The following SYCE1 variants were observed in gnomAD, a reference collection of about 807,000 sequenced individuals.
The protein encoded by SYCE1 is cancer/testis antigen 76.
Under a neutral mutation model 55.1 loss-of-function variants are expected in SYCE1, and 37 were observed. The ratio of observed to expected loss-of-function variants is 0.67; its 90% CI spans 0.52 to 0.88. The LOEUF (loss-of-function observed/expected upper bound fraction) is 0.88. SYCE1 is among the 40% of genes least tolerant of loss of function. SYCE1 has a pLI of 0.00. For missense variants in SYCE1, 399 were observed against 416.4 expected, an observed-to-expected ratio of 0.96 and a Z score of 0.36; for synonymous variants, 163 against 159.4, an observed-to-expected ratio of 1.02 and a Z score of -0.17.
chr10:133,556,818 C>T lies in SYCE1; in HGVS notation c.469G>A (p.Ala157Thr), dbSNP rs749616266. The T allele has an allele frequency of 4.4e-6, 7 of 1,587,832 alleles. No individual in the cohort carries two copies. Among genetic ancestry groups the T allele is most frequent in the Non-Finnish European group, 6.0e-6 (7 of 1,166,936 alleles). The change falls in exon 8 of 13, where the codon GCA (alanine) becomes ACA (threonine). Residue 157 changes from alanine to threonine, a missense_variant. Transcript: ENST00000343131. The stretch of plus-strand genomic sequence containing the variant: ...AGATCTTCCAGCTGTTCCTCGAATG[C>T]CAACCTGGGAACCAACCACAGGCAT... ...EKNKQRQLRL[A>T]FEEQLEDLMG...
chr10:133,555,314 C>A (rs2133612972), intron 12 of SYCE1, 37 bp downstream of exon 12: 1 of 1,612,024 alleles, frequency 6.2e-7, no homozygotes, highest in Middle Eastern at 1.7e-4. Context: ...CCTTCAGTAG[C>A]TGTTTCTGTT....
downstream of SYCE1, chr10:133,554,217 G>T (rs935072137): frequency 4.9e-6 from 7 of 1,425,346 alleles, no homozygotes; most frequent in South Asian, 3.4e-5. Context: ...GTCCTGGACT[G>T]ACTGAAGAAT....
intron 1 of SYCE1, 103 bp downstream of exon 1, chr10:133,565,354 C>T: frequency 9.4e-7 from 1 of 1,067,668 alleles, no homozygotes; most frequent in Non-Finnish European, 1.3e-6. Flanking sequence ...CAATCAGCAG[C>T]ATCAGGACTG....
At chr10:133,566,989 G>C (rs77237195), upstream of SYCE1, among the ~76,000 whole-genome samples, 1 of 151,726 alleles carries the variant, frequency 6.6e-6, no homozygotes, top group Non-Finnish European at 1.5e-5. Flanking sequence ...TAGGGGTAGC[G>C]TTGTGTGTTA....
chr10:133,556,398 T>G (rs1442701957), intron 8 of SYCE1: 1 of 527,164 alleles, frequency 1.9e-6, no homozygotes, highest in East Asian at 3.3e-5. Flanking sequence ...TGTGACCTCC[T>G]CACTGAGCCC....
chr10:133,562,672 C>A (rs1851843744), intron 1 of SYCE1, among the ~76,000 whole-genome samples: 1 of 152,134 alleles, frequency 6.6e-6, no homozygotes, highest in African/African-American at 2.4e-5. Flanking sequence ...GAAGCTACTC[C>A]TGCATTTTTA....
At chr10:133,560,322 C>G in intron 1 of SYCE1, 169 bp from the exon 2 acceptor site, 1 of 561,308 alleles carries the variant, frequency 1.8e-6, no homozygotes, top group East Asian at 3.0e-5. Context: ...GTCAGCTTTT[C>G]CCTATAAGGT....
downstream of SYCE1, chr10:133,554,735 G>T (rs1851609025): frequency 9.6e-7 from 1 of 1,046,716 alleles, no homozygotes; most frequent in Non-Finnish European, 1.4e-6. Flanking sequence ...TGTGTATGCA[G>T]GTGGGTTCCA....
In SYCE1 at chr10:133,558,263, T is replaced by A. The variant is rs181979224; in HGVS notation, c.272-49A>T. ...GCATCAGGGACTATGCACTGCACCC[T>A]CAGGGATGGGGCTTGCTCACGGTCA... On this transcript the variant is annotated intron_variant, in intron 4 of 12. Coordinates refer to ENST00000343131, the MANE Select transcript of SYCE1 (RefSeq NM_001143764.3). 264 of 1,598,734 alleles carry A rather than the reference T, an allele frequency of 1.7e-4. No individual in the cohort carries two copies. In the African/African-American group the frequency reaches 3.2e-3, roughly 19 times the overall value.
chr10:133,558,738 AG>A, intron 4 of SYCE1, 138 bp downstream of exon 4: 1 of 787,968 alleles, frequency 1.3e-6, no homozygotes, highest in Non-Finnish European at 2.1e-6. Flanking sequence ...CAGAGAGGAG[AG>A]GGGGAGATTG....
chr10:133,567,800 C>T (rs1183016474), upstream of SYCE1: 3 of 353,218 alleles, frequency 8.5e-6, no homozygotes, highest in South Asian at 4.3e-5. Flanking sequence ...ACAGGAGCCA[C>T]AGGCCACTGC....
chr10:133,556,094 A>G (rs760271689), intron 8 of SYCE1, 47 bp from the exon 9 acceptor site: 34 of 1,602,866 alleles, frequency 2.1e-5, no homozygotes, highest in Non-Finnish European at 2.9e-5. Context: ...GCTTTCCCCC[A>G]TGCCTCAAAG....
At chr10:133,554,258 T>C (rs545980652), downstream of SYCE1, 42 of 1,610,264 alleles carry the variant, frequency 2.6e-5, 1 homozygote, top group South Asian at 3.3e-4. Flanking sequence ...CATTTTTCCA[T>C]GGAAACAGTG....
chr10:133,563,181 T>G (rs1479698457), intron 1 of SYCE1, among the ~76,000 whole-genome samples: 1 of 152,252 alleles, frequency 6.6e-6, no homozygotes, highest in Non-Finnish European at 1.5e-5. Context: ...AACTTTCTGA[T>G]AGTAAATATC....
upstream of SYCE1, among the ~76,000 whole-genome samples, chr10:133,566,128 C>G (rs1262224595): frequency 6.6e-6 from 1 of 152,218 alleles, no homozygotes; most frequent in Non-Finnish European, 1.5e-5. Context: ...CACAAGCCCA[C>G]GGTCCCTTCT....
chr10:133,559,377 AG>A lies in SYCE1; in HGVS notation c.137-18del. 6.2e-7 allele frequency: 1 copy of A among 1,613,808 alleles called. No individual in the cohort carries two copies. Among genetic ancestry groups the A allele is most frequent in the Non-Finnish European group, 8.5e-7 (1 of 1,179,800 alleles). ...GGCTTCCCACTGCACGGAGGAAAGG[AG>A]GTTGAGTTGACAGGGCAGGCAGAGT... On this transcript the variant is annotated intron_variant, in intron 2 of 12. Coordinates refer to ENST00000343131, the MANE Select transcript of SYCE1 (RefSeq NM_001143764.3).
upstream of SYCE1, chr10:133,567,891 T>C: frequency 2.0e-6 from 1 of 497,134 alleles, no homozygotes; most frequent in Non-Finnish European, 3.9e-6. Flanking sequence ...GGTGGGAGGC[T>C]GAGGCGGCGT....
Position 133,555,837 on chromosome 10 carries a change from C to G in SYCE1, c.662G>C (p.Gly221Ala), listed in dbSNP as rs1356107135. Residue 221 changes from glycine (G) to alanine (A), a missense_variant, in exon 10 of 13, where the codon GGC becomes GCC. Coordinates refer to ENST00000343131, the MANE Select transcript of SYCE1 (RefSeq NM_001143764.3). ...HQLCSLCGAE[G>A]PSTLDEGLFL... The stretch of plus-strand genomic sequence containing the variant: ...GAGTCCCTCATCAAGGGTGGAGGGG[C>G]CCTCAGCCCCACACAGGGAGCACAG... 1 of 1,613,910 alleles carries G rather than the reference C, an allele frequency of 6.2e-7. No individual in the cohort carries two copies. The highest frequency in any genetic ancestry group is 8.5e-7 in the Non-Finnish European group (1 of 1,180,010).
At position 133,554,961 on chromosome 10, in the gene SYCE1, C is replaced by G; in HGVS notation, c.*31G>C. 6.6e-7 allele frequency: 1 copy of G among 1,513,410 alleles called. No individual in the cohort carries two copies. The allele number at this position is 1,513,410 out of a possible 1,614,324, so 93.7% of individuals were successfully genotyped here. A position where few individuals can be genotyped will look rare whatever the true frequency, so the allele number is the denominator to read the frequency against. ...AGGAGACTGGGGATCTTGGGCCTGA[C>G]CCCTACTCCTCACCAGTAGACTTAG... On this transcript the variant is annotated 3_prime_UTR_variant, in exon 13 of 13. Transcript: ENST00000343131.
Sources: allele counts gnomAD v4.1 joint callset (sites outside exome capture counted in the v4.1 genomes callset), GRCh38; gene constraint gnomAD v4.1.1; transcripts MANE v1.5; gene names NCBI Gene and HGNC (gene_info 2026-07-23, HGNC 2026-07-21).